Variants in CUBN observed in about 807,000 individuals in gnomAD.
CUBN encodes 460 kDa receptor.
A neutral mutation model predicts 405.3 loss-of-function variants in CUBN; 282 were observed. That is an observed-to-expected ratio of 0.70 (90% confidence interval 0.63 to 0.77). The LOEUF (loss-of-function observed/expected upper bound fraction) is 0.77, where lower values mean the gene tolerates loss of function less well. Ranked by LOEUF, CUBN falls within the 30% of genes least tolerant of loss-of-function variation. The pLI is 0.00. For synonymous variants in CUBN, 1,684 were observed against 1,617.0 expected, an observed-to-expected ratio of 1.04 and a Z score of -0.99; for missense variants, 4,514 against 4,475.2, an observed-to-expected ratio of 1.01 and a Z score of -0.25.
At chr10:16,850,926 ATC>A (rs1166615297) in intron 60 of CUBN, among the ~76,000 whole-genome samples, 1 of 152,240 alleles carries the variant, frequency 6.6e-6, no homozygotes, top group Non-Finnish European at 1.5e-5. Context: ...TCCTTTGAGT[ATC>A]TCTCTCCAGA....
intron 32 of CUBN, 26 bp from the exon 33 acceptor site, chr10:16,952,415 A>G: frequency 1.6e-6 from 2 of 1,271,388 alleles, no homozygotes; most frequent in Non-Finnish European, 2.3e-6. Context: ...ACACACATAC[A>G]TGTCATATGC....
intron 31 of CUBN, among the ~76,000 whole-genome samples, chr10:16,981,170 A>G (rs1463450933): frequency 5.6e-5 from 2 of 35,738 alleles, no homozygotes; most frequent in Non-Finnish European, 2.1e-4. Flanking sequence ...CAAGCCCCAG[A>G]CTCAGCAGAC....
At chr10:17,025,797 C>T (rs1169415496) in intron 27 of CUBN, among the ~76,000 whole-genome samples, 1 of 152,070 alleles carries the variant, frequency 6.6e-6, no homozygotes, top group Admixed American at 6.6e-5. Context: ...ACAACTTGGG[C>T]ATTGTGGAGA....
At chr10:17,076,670 T>C (rs1360357457) in intron 17 of CUBN, among the ~76,000 whole-genome samples, 4 of 152,164 alleles carry the variant, frequency 2.6e-5, no homozygotes, top group Non-Finnish European at 5.9e-5. Flanking sequence ...GGCTTAGCCA[T>C]AGGACTTGCT....
intron 45 of CUBN, among the ~76,000 whole-genome samples, chr10:16,917,175 A>G (rs1841907314): frequency 1.3e-5 from 2 of 152,156 alleles, no homozygotes; most frequent in Admixed American, 1.3e-4. Flanking sequence ...AAAAAGGTTA[A>G]TTATTTTATA....
At chr10:16,962,795 G>C (rs911349824) in intron 31 of CUBN, among the ~76,000 whole-genome samples, 8 of 152,174 alleles carry the variant, frequency 5.3e-5, no homozygotes, top group African/African-American at 1.9e-4. Flanking sequence ...ACTGAACCCT[G>C]TGTACATTCA....
chr10:16,940,340 T>C, intron 36 of CUBN, 103 bp from the exon 37 acceptor site: 1 of 1,108,032 alleles, frequency 9.0e-7, no homozygotes, highest in Non-Finnish European at 1.4e-6. Context: ...TTTTTAAACT[T>C]TCTTTAACTT....
At chr10:16,930,890 A>C (rs1842344042) in intron 40 of CUBN, among the ~76,000 whole-genome samples, 1 of 152,188 alleles carries the variant, frequency 6.6e-6, no homozygotes, top group South Asian at 2.1e-4. Context: ...TTGCTTCAGA[A>C]TGTTACATGC....
rs376480207 is a variant in CUBN at position 16,872,951 on chromosome 10, T to C, written c.9236+1423A>G. ...GAGGTCCAGCCTATAGAACGCCTGATACAGGAACCAAATCAGGCTTGATGA... is the reference window on the plus strand; with the variant it reads ...GAGGTCCAGCCTATAGAACGCCTGACACAGGAACCAAATCAGGCTTGATGA... On this transcript the variant is annotated intron_variant, in intron 58 of 66. Transcript: ENST00000377833. Among the ~76,000 whole-genome samples the C allele has an allele frequency of 2.5e-3, 381 of 152,310 alleles. 1 individual carries two copies. The highest frequency in any genetic ancestry group is 8.9e-3 in the African/African-American group (368 of 41,574).
chr10:17,047,615 A>T lies in CUBN; in HGVS notation c.3140-12T>A. 6.2e-7 allele frequency: 1 copy of T among 1,610,298 alleles called. No homozygotes were observed. The highest frequency in any genetic ancestry group is 8.5e-7 in the Non-Finnish European group (1 of 1,176,508). On this transcript the variant is annotated splice_polypyrimidine_tract_variant and intron_variant, in intron 22 of 66. Coordinates refer to ENST00000377833, the MANE Select transcript of CUBN (RefSeq NM_001081.4). ...GTCTTGCAAACATGCTGTGAACAGA[A>T]ACAGACCATAAGAGAGAAAATAGAA...
intron 51 of CUBN, among the ~76,000 whole-genome samples, chr10:16,903,627 T>TAA: frequency 6.8e-6 from 1 of 147,942 alleles, no homozygotes; most frequent in South Asian, 2.1e-4. Context: ...AAAATAATTT[T>TAA]AAAATTATTA....
chr10:17,044,131 T>C (rs1336694476), intron 25 of CUBN, 148 bp from the exon 26 acceptor site: 5 of 135,752 alleles, frequency 3.7e-5, no homozygotes, highest in Non-Finnish European at 6.0e-5. Flanking sequence ...ATATAAAATA[T>C]TATAAATATT....
intron 17 of CUBN, among the ~76,000 whole-genome samples, chr10:17,080,953 A>G (rs1362929409): frequency 1.3e-5 from 2 of 152,186 alleles, no homozygotes; most frequent in African/African-American, 4.8e-5. Flanking sequence ...TAGCCATGTC[A>G]CATCTTCCAT....
rs570811907 is a variant in CUBN, at chr10:16,858,561, A to T, written c.9455-7118T>A. On this transcript the variant is annotated intron_variant, in intron 59 of 66. Transcript: ENST00000377833. Reference sequence around the variant, plus strand: ...GGTCTTGAACTCCTGGCCTCAAGGGATCCTCCCACCTTGGTCTCCCAAAGC... The same window carrying T: ...GGTCTTGAACTCCTGGCCTCAAGGGTTCCTCCCACCTTGGTCTCCCAAAGC... Among the ~76,000 whole-genome samples, 20 of 152,276 alleles carry T rather than the reference A, an allele frequency of 1.3e-4. No individual in the cohort carries two copies. The South Asian group carries it at 2.9e-3, about 22-fold the overall frequency.
chr10:16,884,793 G>A (rs1840764752), intron 56 of CUBN, among the ~76,000 whole-genome samples: 1 of 152,100 alleles, frequency 6.6e-6, no homozygotes, highest in African/African-American at 2.4e-5. Context: ...GTATTTTGTA[G>A]CCTGGGATAC....
At chr10:17,100,297 T>C in intron 13 of CUBN, 58 bp from the exon 14 acceptor site, 1 of 1,159,092 alleles carries the variant, frequency 8.6e-7, no homozygotes, top group Non-Finnish European at 1.3e-6. Context: ...TTTAAAGTAT[T>C]TCTCCCACTT....
At chr10:17,118,901 A>T (rs1466466274) in intron 6 of CUBN, among the ~76,000 whole-genome samples, 1 of 152,226 alleles carries the variant, frequency 6.6e-6, no homozygotes, top group African/African-American at 2.4e-5. Flanking sequence ...TGCTTTAGTT[A>T]TTAGTTACTG....
In CUBN at chr10:16,925,737, G is replaced by A. The variant is rs558139194; in HGVS notation, c.6309C>T (p.Ile2103=). The change falls in exon 42 of 67, where the codon ATC becomes ATT. Residue 2103 remains isoleucine (I), a synonymous_variant. Coordinates refer to ENST00000377833, the MANE Select transcript of CUBN (RefSeq NM_001081.4). ...GGYLHADRGI[I]TSPKYPETYP... is the part of the protein sequence containing the mutation. The stretch of plus-strand genomic sequence containing the variant: ...AAGTCTCTGGATACTTGGGGGACGT[G>A]ATGATCCCTCTGTCTGCATGCAAAT... 10 of 1,614,012 alleles carry A rather than the reference G, an allele frequency of 6.2e-6. No homozygotes were observed. In the Admixed American group the frequency reaches 1.2e-4, roughly 19 times the overall value.
chr10:16,866,620 T>C (rs1840191124), intron 59 of CUBN, among the ~76,000 whole-genome samples: 1 of 152,140 alleles, frequency 6.6e-6, no homozygotes, highest in Non-Finnish European at 1.5e-5. Flanking sequence ...TTAGGAAAAA[T>C]GCTCCGATTT....
Sources: gnomAD v4.1 joint callset for allele counts (sites outside exome capture counted in the v4.1 genomes callset) on GRCh38, gnomAD v4.1.1 for gene constraint, MANE v1.5 for transcripts, NCBI Gene and HGNC (gene_info 2026-07-23, HGNC 2026-07-21) for gene names.